PAX5: variants seen among roughly 807,000 people sequenced by gnomAD.
PAX5 encodes paired box 5, also known as paired box protein Pax-5.
A neutral mutation model predicts 43.7 loss-of-function variants in PAX5; 9 were observed. That is an observed-to-expected ratio of 0.21 (90% CI 0.12 to 0.36). The LOEUF (loss-of-function observed/expected upper bound fraction) is 0.36. Ranked by LOEUF, PAX5 falls within the 10% of genes least tolerant of loss-of-function variation. The pLI is 1.00. For synonymous variants in PAX5, 228 were observed against 214.3 expected (o/e 1.06, Z -0.56); for missense variants, 383 against 532.7 (o/e 0.72, Z 2.77).
chr9:37,015,260 AACGGGCT>A lies in PAX5; in HGVS notation c.213-73_213-67del. Reference sequence around the variant, plus strand: ...GTAAAGTGGATATTGGCAACAAAATAACGGGCTACTCTGGCCAGGAAACGTCCGGATC... The same window carrying A: ...GTAAAGTGGATATTGGCAACAAAATAACTCTGGCCAGGAAACGTCCGGATC... On this transcript the variant is annotated intron_variant, in intron 2 of 9. Coordinates refer to ENST00000358127, the MANE Select transcript of PAX5 (RefSeq NM_016734.3). This position sits in a 1 kb window ranked among gnomAD's most constrained non-coding sequence, Gnocchi z 4.4. The A allele has an allele frequency of 7.1e-7, 1 of 1,416,010 alleles. No individual in the cohort carries two copies. The highest frequency in any genetic ancestry group is 1.0e-6 in the Non-Finnish European group (1 of 1,003,016). The allele number at this position is 1,416,010 out of a possible 1,614,324, so 87.7% of individuals were successfully genotyped here. A position where few individuals can be genotyped will look rare whatever the true frequency, so the allele number is the denominator to read the frequency against.
chr9:36,885,868 C>A (rs577298699), intron 7 of PAX5, among the ~76,000 whole-genome samples: 28 of 152,254 alleles, frequency 1.8e-4, no homozygotes, highest in African/African-American at 6.3e-4. Flanking sequence ...TTTTTAAAAC[C>A]AAATAAATTC....
intron 7 of PAX5, among the ~76,000 whole-genome samples, chr9:36,903,643 G>T (rs1828581946): frequency 6.6e-6 from 1 of 152,222 alleles, no homozygotes; most frequent in South Asian, 2.1e-4. Flanking sequence ...CATACCTGCT[G>T]TGTCTGCCCA....
At chr9:36,991,242 A>G (rs1836914073) in intron 5 of PAX5, among the ~76,000 whole-genome samples, 1 of 152,232 alleles carries the variant, frequency 6.6e-6, no homozygotes, top group African/African-American at 2.4e-5. Context: ...AGATGTGACT[A>G]TAATCTCCAC....
chr9:36,979,650 G>A (rs138638701), intron 5 of PAX5, among the ~76,000 whole-genome samples: 48 of 152,290 alleles, frequency 3.2e-4, no homozygotes, highest in African/African-American at 1.1e-3. Flanking sequence ...GGCCTGCCCA[G>A]GGTCACACAG....
Position 36,840,617 on chromosome 9 carries a change from G to A in PAX5, c.1119C>T (p.Ser373=), listed in dbSNP as rs778084883. ...GTGGGGCGGCTCCTCGGGCGGCAGC[G>A]CTATAATAGTAGGGGGAGCCTGGAA... is the stretch of plus-strand genomic sequence containing the variant. ...PGLLGSPYYY[S]AAARGAAPPA... The change falls in exon 10 of 10, where the codon AGC becomes AGT. Residue 373 remains serine (S), a synonymous_variant. Coordinates refer to ENST00000358127, the MANE Select transcript of PAX5 (RefSeq NM_016734.3). 2.3e-5 allele frequency: 37 copies of A among 1,576,558 alleles called. No individual in the cohort carries two copies. In the South Asian group the frequency reaches 2.6e-4, roughly 11 times the overall value.
rs576079317 is a variant in PAX5 at position 36,833,353 on chromosome 9, G to T, written c.*7207C>A. The T allele has an allele frequency of 4.3e-6, 1 of 232,756 alleles. No homozygotes were observed. The highest frequency in any genetic ancestry group is 2.2e-5 in the African/African-American group (1 of 45,246). 14.4% of individuals were successfully genotyped at this position (232,756 alleles called of 1,614,324 possible). A position where few individuals can be genotyped will look rare whatever the true frequency, so the allele number is the denominator to read the frequency against. Reference sequence around the variant, plus strand: ...TTACAAATAATTATCTCACATAAAGGTTACATAAAATCAATTCTTCACAAG... The same window carrying T: ...TTACAAATAATTATCTCACATAAAGTTTACATAAAATCAATTCTTCACAAG... On this transcript the variant is annotated 3_prime_UTR_variant, in exon 10 of 10. Transcript: ENST00000358127.
chr9:36,960,467 C>T (rs553459327), intron 6 of PAX5, among the ~76,000 whole-genome samples: 9 of 151,944 alleles, frequency 5.9e-5, no homozygotes, highest in East Asian at 1.9e-4. Flanking sequence ...GACATGGGGA[C>T]GGTGAAGGGG....
At chr9:37,011,629 A>C (rs1838939552) in intron 3 of PAX5, among the ~76,000 whole-genome samples, 3 of 152,206 alleles carry the variant, frequency 2.0e-5, no homozygotes, top group Admixed American at 2.0e-4. Context: ...CAAATGAACA[A>C]GGTGATCTGT....
intron 3 of PAX5, among the ~76,000 whole-genome samples, chr9:37,012,641 T>C (rs1365923921): frequency 1.3e-5 from 2 of 152,232 alleles, no homozygotes; most frequent in African/African-American, 4.8e-5. Context: ...TTGCCACATC[T>C]GTAACCACTG....
At chr9:36,964,385 C>A (rs1415819018) in intron 6 of PAX5, among the ~76,000 whole-genome samples, 2 of 151,504 alleles carry the variant, frequency 1.3e-5, no homozygotes, top group East Asian at 3.9e-4. Flanking sequence ...GGTCCGGAGT[C>A]CAAGACTAAG....
intron 6 of PAX5, among the ~76,000 whole-genome samples, chr9:36,935,519 C>A (rs1369526594): frequency 1.3e-5 from 2 of 152,250 alleles, no homozygotes; most frequent in Non-Finnish European, 2.9e-5. Flanking sequence ...CACCCCCAGA[C>A]AGGTTCCCAA....
rs1827324422 is a variant in PAX5, at chr9:36,890,893, CT to C, written c.911-8789del. On this transcript the variant is annotated intron_variant, in intron 7 of 9. Coordinates refer to ENST00000358127, the MANE Select transcript of PAX5 (RefSeq NM_016734.3). Reference sequence around the variant, plus strand: ...GTGGCTCACACTTGTAATCCCAGAACTTTGGGAGGCCAAGGCAGGAGGATCA... The same window carrying C: ...GTGGCTCACACTTGTAATCCCAGAACTTGGGAGGCCAAGGCAGGAGGATCA... Among the ~76,000 whole-genome samples, 6 of 152,312 alleles carry C rather than the reference CT, an allele frequency of 3.9e-5. No individual in the cohort carries two copies. The South Asian group carries it at 1.2e-3, about 32-fold the overall frequency.
At chr9:36,981,195 C>G (rs55862706) in intron 5 of PAX5, among the ~76,000 whole-genome samples, 4 of 145,296 alleles carry the variant, frequency 2.8e-5, no homozygotes, top group Admixed American at 1.4e-4. Context: ...GCCCCCCCCC[C>G]CTCAGCCCTG....
chr9:37,011,084 G>C (rs1006876938), intron 3 of PAX5, among the ~76,000 whole-genome samples: 1 of 148,004 alleles, frequency 6.8e-6, no homozygotes, highest in African/African-American at 2.5e-5. Context: ...TTGTGCCTCT[G>C]CACTCCAGCC....
At chr9:36,842,495 A>G (rs980994665) in intron 9 of PAX5, among the ~76,000 whole-genome samples, 2 of 152,166 alleles carry the variant, frequency 1.3e-5, no homozygotes, top group African/African-American at 4.8e-5. Flanking sequence ...TCCCAAAGCC[A>G]GGCTAGACCC....
chr9:36,883,912 G>A (rs947399668), intron 7 of PAX5, among the ~76,000 whole-genome samples: 2 of 151,964 alleles, frequency 1.3e-5, no homozygotes, highest in Non-Finnish European at 2.9e-5. Context: ...AATTTTCTAG[G>A]AAAATATGAA....
intron 8 of PAX5, among the ~76,000 whole-genome samples, chr9:36,872,863 C>T (rs575632781): frequency 2.0e-5 from 3 of 152,352 alleles, no homozygotes; most frequent in Non-Finnish European, 4.4e-5. Context: ...TGCTCAGCCT[C>T]ATGCCCAGAG....
intron 5 of PAX5, among the ~76,000 whole-genome samples, chr9:36,992,122 C>T (rs1836994263): frequency 7.4e-6 from 1 of 134,694 alleles, no homozygotes. Flanking sequence ...CACCTCGCCC[C>T]CACCCCCCAA....
At chr9:36,843,943 C>A (rs773850941) in intron 9 of PAX5, among the ~76,000 whole-genome samples, 2 of 152,196 alleles carry the variant, frequency 1.3e-5, no homozygotes, top group South Asian at 4.1e-4. Flanking sequence ...GCTGTTGATG[C>A]TAGTGCAACT....
Sources: gnomAD v4.1 joint callset for allele counts (sites outside exome capture counted in the v4.1 genomes callset) on GRCh38, gnomAD v4.1.1 for gene constraint, Gnocchi (gnomAD v3.1) non-coding constraint, MANE v1.5 for transcripts, NCBI Gene and HGNC (gene_info 2026-07-23, HGNC 2026-07-21) for gene names.